The following MCC variants were observed in gnomAD, a reference collection of about 807,000 sequenced individuals.
MCC encodes colorectal mutant cancer protein.
Under a neutral mutation model 116.2 loss-of-function variants are expected in MCC, and 90 were observed. That is an observed-to-expected ratio of 0.77 (90% CI 0.65 to 0.92). MCC has a LOEUF of 0.92. Among genes scored for constraint, MCC ranks in the 40% least tolerant of loss-of-function variants. MCC has a pLI of 0.00. For synonymous variants in MCC, 578 were observed against 510.5 expected, an observed-to-expected ratio of 1.13 and a Z score of -1.78; for missense variants, 1,516 against 1,312.2, an observed-to-expected ratio of 1.16 and a Z score of -2.40.
At chr5:113,137,627 A>G (rs539354753) in intron 5 of MCC, among the ~76,000 whole-genome samples, 32 of 152,120 alleles carry the variant, frequency 2.1e-4, no homozygotes, top group Non-Finnish European at 3.5e-4. Flanking sequence ...CTCTATTTTC[A>G]TTAGTGATAT....
At chr5:113,250,877 T>C (rs1764775304) in intron 3 of MCC, among the ~76,000 whole-genome samples, 1 of 152,300 alleles carries the variant, frequency 6.6e-6, no homozygotes, top group Admixed American at 6.5e-5. Flanking sequence ...CTCCCTAGGA[T>C]AGCCTTAGAA....
intron 2 of MCC, among the ~76,000 whole-genome samples, chr5:113,361,225 T>G (rs1285242260): frequency 6.7e-6 from 1 of 149,876 alleles, no homozygotes; most frequent in African/African-American, 2.5e-5. Context: ...TACTTAACAT[T>G]CTTGCCAGGA....
intron 3 of MCC, among the ~76,000 whole-genome samples, chr5:113,317,272 A>T (rs1767308784): frequency 6.6e-6 from 1 of 152,226 alleles, no homozygotes; most frequent in Non-Finnish European, 1.5e-5. Flanking sequence ...ACCCACTTAA[A>T]AAAAAACTAT....
intron 2 of MCC, among the ~76,000 whole-genome samples, chr5:113,373,704 A>G (rs1768899108): frequency 1.3e-5 from 2 of 152,144 alleles, no homozygotes; most frequent in South Asian, 2.1e-4. Context: ...CATGGGTTGG[A>G]AAAAAATGGT....
chr5:113,030,828 C>G (rs913974900), intron 17 of MCC, among the ~76,000 whole-genome samples: 1 of 152,158 alleles, frequency 6.6e-6, no homozygotes, highest in African/African-American at 2.4e-5. Context: ...GAAGGTGAAA[C>G]ACAAACTCAA....
intron 3 of MCC, among the ~76,000 whole-genome samples, chr5:113,314,603 T>G (rs1767231635): frequency 1.3e-5 from 2 of 152,164 alleles, no homozygotes; most frequent in Admixed American, 1.3e-4. Context: ...TTTTTATTTT[T>G]CTGAGATGGA....
At chr5:113,279,393 C>T (rs1765948945) in intron 3 of MCC, among the ~76,000 whole-genome samples, 1 of 151,950 alleles carries the variant, frequency 6.6e-6, no homozygotes, top group African/African-American at 2.4e-5. Flanking sequence ...CATTGGAATA[C>T]CTTATTAACT....
chr5:113,175,962 C>T (rs993126554), intron 3 of MCC, among the ~76,000 whole-genome samples: 1 of 152,032 alleles, frequency 6.6e-6, no homozygotes, highest in Non-Finnish European at 1.5e-5. Context: ...CCCCTATGTA[C>T]TGTACCAACC....
chr5:113,455,660 C>T (rs571642592), intron 1 of MCC, among the ~76,000 whole-genome samples: 12 of 152,234 alleles, frequency 7.9e-5, no homozygotes, highest in African/African-American at 2.6e-4. Context: ...AAACAGTATA[C>T]AATAGCCCCA....
chr5:113,360,194 T>TA lies in MCC; in HGVS notation c.416-19465dup, dbSNP rs34143495. 4.8e-3 allele frequency among the ~76,000 whole-genome samples: 718 copies of TA among 148,412 alleles called. 4 individuals are homozygous for TA. The highest frequency in any genetic ancestry group is 9.7e-3 in the Admixed American group (143 of 14,808). ...AGGGGAAAAAATACACCAAGGGGAA[T>TA]AAAAAAAAAAATGATTTCGATTCCA... On this transcript the variant is annotated intron_variant, in intron 2 of 18. Coordinates refer to ENST00000408903, the MANE Select transcript of MCC (RefSeq NM_001085377.2).
Position 113,488,366 on chromosome 5 carries a change from C to G in MCC, c.49G>C (p.Gly17Arg). 6.6e-7 allele frequency: 1 copy of G among 1,520,480 alleles called. No homozygotes were observed. Among genetic ancestry groups the G allele is most frequent in the African/African-American group, 1.4e-5 (1 of 69,698 alleles). 94.2% of individuals were successfully genotyped at this position (1,520,480 alleles called of 1,614,324 possible). ...AAAAGSSSSG[G>R]GGGGSGSSSS... ...CTGCTGCCGCTGCCGCCGCCGCCGC[C>G]GCCGCTGCTGGAGCTCCCCGCAGCC... The change falls in exon 1 of 19, where the codon GGC (glycine) becomes CGC (arginine). Residue 17 changes from glycine to arginine, a missense_variant. Gly to Arg is a moderately radical substitution (Grantham distance 125). Transcript: ENST00000408903.
intron 3 of MCC, among the ~76,000 whole-genome samples, chr5:113,270,321 T>G (rs1270100975): frequency 6.6e-6 from 1 of 152,092 alleles, no homozygotes; most frequent in Non-Finnish European, 1.5e-5. Flanking sequence ...CTATATTCAC[T>G]AAAGCGTGCA....
At position 113,151,270 on chromosome 5, in the gene MCC, A is replaced by G. The variant is rs1415788813; in HGVS notation, c.741+39T>C. 12 of 1,302,060 alleles carry G rather than the reference A, an allele frequency of 9.2e-6. No individual in the cohort carries two copies. In the South Asian group the frequency reaches 1.4e-4, roughly 15 times the overall value. The allele number at this position is 1,302,060 out of a possible 1,614,324, so 80.7% of individuals were successfully genotyped here. On this transcript the variant is annotated intron_variant, in intron 4 of 18. Transcript: ENST00000408903. Reference sequence around the variant, plus strand: ...TCTTAAGATTAAATATTTAAAACAAAAAACAAAAGCAAACTAAAAACCTTT... The same window carrying G: ...TCTTAAGATTAAATATTTAAAACAAGAAACAAAAGCAAACTAAAAACCTTT...
rs571131140 is a variant in MCC, at chr5:113,310,780, T to C, written c.627+29739A>G. ...AAAAAACACAAAATGGATAACAATA[T>C]TGGACTAATTTATTTTATCTTTCTT... On this transcript the variant is annotated intron_variant, in intron 3 of 18. Coordinates refer to ENST00000408903, the MANE Select transcript of MCC (RefSeq NM_001085377.2). 1.1e-4 allele frequency among the ~76,000 whole-genome samples: 16 copies of C among 152,332 alleles called. No homozygotes were observed. The South Asian group carries it at 3.1e-3, about 30-fold the overall frequency.
At chr5:113,160,417 A>G (rs1051281302) in intron 3 of MCC, among the ~76,000 whole-genome samples, 1 of 152,250 alleles carries the variant, frequency 6.6e-6, no homozygotes, top group African/African-American at 2.4e-5. Flanking sequence ...TACTCAGCAT[A>G]TAACATGCAT....
intron 3 of MCC, among the ~76,000 whole-genome samples, chr5:113,199,445 G>C (rs1762579875): frequency 1.3e-5 from 2 of 152,166 alleles, no homozygotes; most frequent in African/African-American, 4.8e-5. Flanking sequence ...CACTTACTTT[G>C]AATAGACAAG....
intron 3 of MCC, among the ~76,000 whole-genome samples, chr5:113,166,598 G>A (rs1425678065): frequency 1.3e-5 from 2 of 149,930 alleles, no homozygotes; most frequent in Admixed American, 1.3e-4. Flanking sequence ...CTGAGTCTTC[G>A]TAATAGAGTT....
At chr5:113,058,111 T>A (rs2150225889) in intron 14 of MCC, among the ~76,000 whole-genome samples, 1 of 152,366 alleles carries the variant, frequency 6.6e-6, no homozygotes, top group African/African-American at 2.4e-5. Context: ...CAGCTGTGCG[T>A]CTACCACCCA....
intron 17 of MCC, among the ~76,000 whole-genome samples, chr5:113,040,033 G>T (rs1187517280): frequency 6.6e-6 from 1 of 151,574 alleles, no homozygotes; most frequent in South Asian, 2.1e-4. Flanking sequence ...AAAATACCCT[G>T]TTAAGAAAAC....
Sources: allele counts gnomAD v4.1 joint callset (sites outside exome capture counted in the v4.1 genomes callset), GRCh38; gene constraint gnomAD v4.1.1; transcripts MANE v1.5; gene names NCBI Gene and HGNC (gene_info 2026-07-23, HGNC 2026-07-21).